The following TMEM178B variants were observed in gnomAD, a reference collection of about 807,000 sequenced individuals.
TMEM178B encodes transmembrane protein 178B.
In TMEM178B, 5 loss-of-function variants were observed where a neutral mutation model predicts 31.0. The observed-to-expected ratio is 0.16, with a 90% CI of 0.08 to 0.34. The LOEUF (loss-of-function observed/expected upper bound fraction) is 0.34, where lower values mean the gene tolerates loss of function less well. Among genes scored for constraint, TMEM178B ranks in the 10% least tolerant of loss-of-function variants. The pLI is 1.00. For synonymous variants in TMEM178B, 164 were observed against 164.0 expected, an observed-to-expected ratio of 1.00 and a Z score of 0.00; for missense variants, 275 against 400.3, an observed-to-expected ratio of 0.69 and a Z score of 2.67.
intron 2 of TMEM178B, among the ~76,000 whole-genome samples, chr7:141,413,742 T>C (rs1412350181): frequency 1.3e-5 from 2 of 152,256 alleles, no homozygotes; most frequent in Non-Finnish European, 2.9e-5. Flanking sequence ...TTTATCCTTA[T>C]ATTCCTTATG....
At chr7:141,197,092 A>T (rs184972269) in intron 1 of TMEM178B, among the ~76,000 whole-genome samples, 1 of 152,346 alleles carries the variant, frequency 6.6e-6, no homozygotes, top group East Asian at 1.9e-4. Flanking sequence ...GGTGTCTGAC[A>T]TATATAATCT....
chr7:141,336,921 C>CCACCACCAT lies in TMEM178B; in HGVS notation c.497-100679_497-100678insTCACCACCA, dbSNP rs1410915440. 9.3e-4 allele frequency among the ~76,000 whole-genome samples: 124 copies of CCACCACCAT among 133,854 alleles called. 3 individuals are homozygous for CCACCACCAT. The highest frequency in any genetic ancestry group is 3.8e-3 in the Middle Eastern group (1 of 262). The allele number at this position is 133,854 out of a possible 152,430, so 87.8% of individuals were successfully genotyped here. ...ACCACCACCATCATCACCACCACCA[C>CCACCACCAT]CACCACCACCATCACCACCACCATC... On this transcript the variant is annotated intron_variant, in intron 2 of 3. Transcript: ENST00000565468.
At chr7:141,378,533 C>T (rs1800259060) in intron 2 of TMEM178B, among the ~76,000 whole-genome samples, 1 of 152,188 alleles carries the variant, frequency 6.6e-6, no homozygotes, top group South Asian at 2.1e-4. Context: ...GCCTGGTTAA[C>T]AGCACACACT....
chr7:141,440,387 G>A (rs1801635603), intron 3 of TMEM178B, among the ~76,000 whole-genome samples: 1 of 152,210 alleles, frequency 6.6e-6, no homozygotes, highest in Non-Finnish European at 1.5e-5. Context: ...CATCCAAGTG[G>A]AACTTCTGGG....
intron 2 of TMEM178B, among the ~76,000 whole-genome samples, chr7:141,301,659 G>C (rs1460789572): frequency 1.3e-5 from 2 of 152,212 alleles, no homozygotes; most frequent in African/African-American, 2.4e-5. Flanking sequence ...GTAGGTGTGT[G>C]TGAAGGTCAG....
intron 2 of TMEM178B, among the ~76,000 whole-genome samples, chr7:141,225,919 C>T (rs1323258905): frequency 6.6e-6 from 1 of 152,144 alleles, no homozygotes. Context: ...TCTCAGTTCA[C>T]GTTGGTAAAG....
chr7:141,421,784 A>T (rs17492513), intron 2 of TMEM178B, among the ~76,000 whole-genome samples: 13,012 of 152,088 alleles, frequency 0.086, 802 homozygotes, highest in East Asian at 0.15. Flanking sequence ...TGTCTCGGAT[A>T]TGACTTGCAT....
chr7:141,168,331 C>A lies in TMEM178B; in HGVS notation c.383-44260C>A, dbSNP rs140808367. Among the ~76,000 whole-genome samples, 92 of 152,248 alleles carry A rather than the reference C, an allele frequency of 6.0e-4. No individual in the cohort carries two copies. In the East Asian group the frequency reaches 6.7e-3, roughly 11 times the overall value. On this transcript the variant is annotated intron_variant, in intron 1 of 3. Coordinates refer to ENST00000565468, the MANE Select transcript of TMEM178B (RefSeq NM_001195278.2). Reference sequence around the variant, plus strand: ...CATCTCCTTCCAGAGACACATCCTGCCTTGGAGAAGGTCTCTAGGCCTTGG... The same window carrying A: ...CATCTCCTTCCAGAGACACATCCTGACTTGGAGAAGGTCTCTAGGCCTTGG...
At chr7:141,142,181 A>T (rs1795781522) in intron 1 of TMEM178B, among the ~76,000 whole-genome samples, 2 of 146,020 alleles carry the variant, frequency 1.4e-5, no homozygotes, top group South Asian at 4.1e-4. Flanking sequence ...TAATTTGCTT[A>T]GGATAATGGC....
intron 2 of TMEM178B, among the ~76,000 whole-genome samples, chr7:141,323,275 A>T (rs1799132219): frequency 6.6e-6 from 1 of 152,204 alleles, no homozygotes; most frequent in Non-Finnish European, 1.5e-5. Context: ...AGATTGGCTG[A>T]TTTGCCTCTC....
At chr7:141,504,753 A>G in the TMEM178B span, among the ~76,000 whole-genome samples, 5 of 152,210 alleles carry the variant, frequency 3.3e-5, no homozygotes, top group African/African-American at 4.8e-5. Flanking sequence ...GATGAATTGT[A>G]TAGTGGTGAA....
intron 3 of TMEM178B, among the ~76,000 whole-genome samples, chr7:141,452,810 C>T (rs976273062): frequency 5.3e-5 from 8 of 152,224 alleles, no homozygotes; most frequent in African/African-American, 1.9e-4. Context: ...TCATCCTTTA[C>T]AGCATACTGC....
At chr7:141,463,549 C>T (rs1802098114) in intron 3 of TMEM178B, among the ~76,000 whole-genome samples, 1 of 152,244 alleles carries the variant, frequency 6.6e-6, no homozygotes, top group Admixed American at 6.5e-5. Flanking sequence ...CTTCTACTTC[C>T]TGCCCTCCTT....
At chr7:141,392,860 C>T (rs1159569192) in intron 2 of TMEM178B, among the ~76,000 whole-genome samples, 1 of 151,016 alleles carries the variant, frequency 6.6e-6, no homozygotes, top group African/African-American at 2.4e-5. Flanking sequence ...AGAATGAATC[C>T]CTACTCAGAG....
At chr7:141,082,109 A>G (rs1293530228) in intron 1 of TMEM178B, among the ~76,000 whole-genome samples, 2 of 152,246 alleles carry the variant, frequency 1.3e-5, no homozygotes, top group Admixed American at 1.3e-4. Context: ...AGGCTACACC[A>G]TCTAGGTTGT....
chr7:141,356,455 A>G (rs6946712), intron 2 of TMEM178B, among the ~76,000 whole-genome samples: 48,797 of 151,364 alleles, frequency 0.32, 7,989 homozygotes, highest in Middle Eastern at 0.35. Context: ...TTTGATTTAC[A>G]TATCTCTGAT....
chr7:141,406,609 G>C (rs1050570384), intron 2 of TMEM178B, among the ~76,000 whole-genome samples: 2 of 152,202 alleles, frequency 1.3e-5, no homozygotes, highest in African/African-American at 2.4e-5. Flanking sequence ...CCATAATTGT[G>C]ACTAACTCCT....
At chr7:141,242,126 C>T (rs1283672516) in intron 2 of TMEM178B, among the ~76,000 whole-genome samples, 1 of 152,068 alleles carries the variant, frequency 6.6e-6, no homozygotes, top group Non-Finnish European at 1.5e-5. Context: ...TATTCATGCT[C>T]CTATTAATAG....
chr7:141,200,138 G>C (rs2041534), intron 1 of TMEM178B, among the ~76,000 whole-genome samples: 109,404 of 151,996 alleles, frequency 0.72, 39,869 homozygotes, highest in African/African-American at 0.78. Context: ...GCCTCGGCTT[G>C]CCAAAGTCTT....
Sources: allele counts gnomAD v4.1 joint callset (sites outside exome capture counted in the v4.1 genomes callset), GRCh38; gene constraint gnomAD v4.1.1; transcripts MANE v1.5; gene names NCBI Gene and HGNC (gene_info 2026-07-23, HGNC 2026-07-21).